CRACR2B: variants seen among roughly 807,000 people sequenced by gnomAD.
CRACR2B encodes the protein EF-hand calcium-binding domain-containing protein 4A.
CRACR2B carries 50 observed loss-of-function variants against 46.0 expected under a neutral mutation model. The observed-to-expected ratio is 1.09, with a 90% CI of 0.87 to 1.38. The LOEUF is 1.38. CRACR2B is among the 40% of genes most tolerant of loss of function. The pLI is 0.00. For synonymous variants in CRACR2B, 277 were observed against 239.6 expected, an observed-to-expected ratio of 1.16 and a Z score of -1.44; for missense variants, 667 against 535.0, an observed-to-expected ratio of 1.25 and a Z score of -2.43.
intron 4 of CRACR2B, 21 bp downstream of exon 4, chr11:830,153 T>C (rs1760023929): frequency 6.6e-7 from 1 of 1,517,142 alleles, no homozygotes; most frequent in South Asian, 1.2e-5. Flanking sequence ...GGGTGGGGTA[T>C]GGGGGCCAAT....
At position 831,260 on chromosome 11, in the gene CRACR2B, G is replaced by A; in HGVS notation, c.990G>A (p.Glu330=). The A allele has an allele frequency of 6.2e-7, 1 of 1,611,212 alleles. No homozygotes were observed. The highest frequency in any genetic ancestry group is 1.3e-5 in the African/African-American group (1 of 74,830). The change falls in exon 8 of 9, where the codon GAG becomes GAA. Residue 330 remains glutamate, a synonymous_variant. Transcript: ENST00000525077. ...CCGTCTCCAGGAACATGCAGAAAGA[G>A]AAAGTCAGCCTGCTACGGCAACTGG... ...VVAVSRNMQK[E]KVSLLRQLEL... is the part of the protein sequence containing the mutation.
chr11:829,109 G>A, intron 2 of CRACR2B, 146 bp downstream of exon 2: 2 of 1,289,022 alleles, frequency 1.6e-6, no homozygotes, highest in Admixed American at 2.0e-5. Flanking sequence ...ACTCGCGCCT[G>A]GGGGCTCCTA....
chr11:829,598 C>T, intron 3 of CRACR2B, 58 bp downstream of exon 3: 2 of 1,465,374 alleles, frequency 1.4e-6, no homozygotes, highest in Admixed American at 2.5e-5. Flanking sequence ...TGCCTGCATG[C>T]TGTCTGCCCT....
At position 828,783 on chromosome 11, in the gene CRACR2B, C is replaced by T. The variant is rs780126428; in HGVS notation, c.165+11C>T. 2.4e-5 allele frequency: 38 copies of T among 1,612,784 alleles called. No individual in the cohort carries two copies. The highest frequency in any genetic ancestry group is 3.3e-5 in the Admixed American group (2 of 59,786). ...AAGCACGACCTGCAGGTGAGTCCCC[C>T]ACCCCAAGAGACTGCTTCGGCCCTG... On this transcript the variant is annotated intron_variant, in intron 1 of 8. Coordinates refer to ENST00000525077, the MANE Select transcript of CRACR2B (RefSeq NM_001286606.2).
At chr11:826,549 A>G (rs1011776139), upstream of CRACR2B, among the ~76,000 whole-genome samples, 2 of 152,226 alleles carry the variant, frequency 1.3e-5, no homozygotes, top group African/African-American at 4.8e-5. Flanking sequence ...TTTTGTTTTG[A>G]GATGGAGTTT....
rs1289829353 is a variant in CRACR2B, at chr11:828,234, C to T, written c.-374C>T. 2.9e-5 allele frequency: 7 copies of T among 239,948 alleles called. No homozygotes were observed. The highest frequency in any genetic ancestry group is 5.7e-5 in the Non-Finnish European group (7 of 123,402). 14.9% of individuals were successfully genotyped at this position (239,948 alleles called of 1,614,324 possible). On this transcript the variant is annotated 5_prime_UTR_variant, in exon 1 of 9. Transcript: ENST00000525077. ...CCCCAAGCCTGCTCCTCTCAGCTTT[C>T]AGGACCCCACCTTCCTTATCACCAG...
Position 829,096 on chromosome 11 carries a change from C to G in CRACR2B, c.277+133C>G, listed in dbSNP as rs754237287. The G allele has an allele frequency of 6.0e-6, 8 of 1,334,470 alleles. No homozygotes were observed. The Middle Eastern group carries it at 5.3e-4, about 89-fold the overall frequency. 82.7% of individuals were successfully genotyped at this position (1,334,470 alleles called of 1,614,324 possible). The stretch of plus-strand genomic sequence containing the variant: ...CTCCAGGGCCCGTGCTTTGTCTGCA[C>G]GCACTCGCGCCTGGGGGCTCCTAGC... On this transcript the variant is annotated intron_variant, in intron 2 of 8. Transcript: ENST00000525077.
At position 831,230 on chromosome 11, in the gene CRACR2B, GGTCGCC is replaced by G; in HGVS notation, c.964_969del (p.Ala322_Val323del). On this transcript the variant is annotated inframe_deletion, in exon 8 of 9. Coordinates refer to ENST00000525077, the MANE Select transcript of CRACR2B (RefSeq NM_001286606.2). ...CACCACCTCCCATCCACAGAGACGT[GGTCGCC>G]GTCTCCAGGAACATGCAGAAAGAGA... 1 of 1,610,530 alleles carries G rather than the reference GGTCGCC, an allele frequency of 6.2e-7. No individual in the cohort carries two copies. Among genetic ancestry groups the G allele is most frequent in the Non-Finnish European group, 8.5e-7 (1 of 1,179,312 alleles).
At chr11:829,694 C>T in intron 3 of CRACR2B, 154 bp downstream of exon 3, 1 of 1,057,956 alleles carries the variant, frequency 9.5e-7, no homozygotes, top group East Asian at 2.8e-5. Flanking sequence ...GGGAGGGACC[C>T]GGCATGATTT....
rs12802515 is a variant in CRACR2B, at chr11:827,955, G to A, written c.-653G>A. Among the ~76,000 whole-genome samples the A allele has an allele frequency of 0.34, 51,357 of 152,130 alleles. 9,089 individuals are homozygous for A. Among genetic ancestry groups the A allele is most frequent in the East Asian group, 0.67 (3,457 of 5,164 alleles). ...GCAAGGGTGTTAGGTCTCGAATCTGGAAGTGTTCCTGAGTGGGGCGTCAGA... is the reference window on the plus strand; with the variant it reads ...GCAAGGGTGTTAGGTCTCGAATCTGAAAGTGTTCCTGAGTGGGGCGTCAGA... On this transcript the variant is annotated 5_prime_UTR_variant, in exon 1 of 9. Transcript: ENST00000525077.
intron 8 of CRACR2B, 27 bp downstream of exon 8, chr11:831,322 G>A (rs771738771): frequency 1.3e-6 from 2 of 1,590,296 alleles, no homozygotes; most frequent in Non-Finnish European, 1.7e-6. Context: ...GCCCGAGAGG[G>A]AATGGGCTCA....
At chr11:830,376 C>A in intron 5 of CRACR2B, 39 bp downstream of exon 5, 2 of 1,536,672 alleles carry the variant, frequency 1.3e-6, no homozygotes, top group South Asian at 2.4e-5. Flanking sequence ...AGGCCCAATC[C>A]CACCTCGCTG....
At chr11:831,485 C>T (rs374134802) in intron 8 of CRACR2B, 50 bp from the exon 9 acceptor site, 3 of 1,522,488 alleles carry the variant, frequency 2.0e-6, no homozygotes, top group African/African-American at 1.4e-5. Context: ...CACCTCCCCC[C>T]ACCTTGAGCT....
Position 830,677 on chromosome 11 carries a change from G to T in CRACR2B, c.750G>T (p.Glu250Asp). Residue 250 changes from glutamate to aspartate, a missense_variant, in exon 6 of 9, where the codon GAG (glutamate) becomes GAT (aspartate). Physicochemically the swap from Glu to Asp is conservative, Grantham distance 45. Transcript: ENST00000525077. ...SRLELELQSREQDLERAGLRQ... is the reference protein window; with the variant it reads ...SRLELELQSRDQDLERAGLRQ... Reference sequence around the variant, plus strand: ...TGGAGCTGGAGCTGCAGAGCCGCGAGCAGGACCTGGAACGCGCGGGCCTGC... The same window carrying T: ...TGGAGCTGGAGCTGCAGAGCCGCGATCAGGACCTGGAACGCGCGGGCCTGC... The T allele has an allele frequency of 6.5e-7, 1 of 1,545,580 alleles. No homozygotes were observed.
At chr11:826,968 A>G (rs1211337764), upstream of CRACR2B, among the ~76,000 whole-genome samples, 1 of 152,166 alleles carries the variant, frequency 6.6e-6, no homozygotes. Context: ...CCCCCCGGAC[A>G]GGAGGGGCCC....
At chr11:829,859 C>T (rs886333922) in intron 3 of CRACR2B, 127 bp from the exon 4 acceptor site, 16 of 1,429,188 alleles carry the variant, frequency 1.1e-5, no homozygotes, top group Admixed American at 5.4e-5. Flanking sequence ...GGAGGGATGC[C>T]CTGCACGCAG....
rs1846201125 is a variant in CRACR2B, at chr11:829,437, C to T, written c.355C>T (p.Leu119Phe). The T allele has an allele frequency of 6.2e-7, 1 of 1,610,712 alleles. No homozygotes were observed. The highest frequency in any genetic ancestry group is 1.3e-5 in the African/African-American group (1 of 74,940). ...CGAGGAGACCTTTGAGTCGGGCGGG[C>T]TCGACGTGCAGGGCACGGCGGGCTC... Reference protein sequence around the residue: ...TPEETFESGGLDVQGTAGSLD... With the variant: ...TPEETFESGGFDVQGTAGSLD... Residue 119 changes from leucine to phenylalanine, a missense_variant, in exon 3 of 9, where the codon CTC becomes TTC. Transcript: ENST00000525077.
intron 3 of CRACR2B, 74 bp from the exon 4 acceptor site, chr11:829,912 G>C (rs1846250339): frequency 6.6e-7 from 1 of 1,512,440 alleles, no homozygotes; most frequent in Non-Finnish European, 8.8e-7. Flanking sequence ...GTCTCCTAAG[G>C]GTTTGCTGCT....
upstream of CRACR2B, chr11:827,252 GGGCGCGCCCAGTGTTTCCGGGAGGA>G: frequency 6.6e-6 from 1 of 152,172 alleles, no homozygotes; most frequent in Non-Finnish European, 1.5e-5. Flanking sequence ...AGCTGGGGCG[GGGCGCGCCCAGTGTTTCCGGGAGGA>G]GCGGCCCGGG....
Sources: gnomAD v4.1 joint callset for allele counts (sites outside exome capture counted in the v4.1 genomes callset) on GRCh38, gnomAD v4.1.1 for gene constraint, MANE v1.5 for transcripts, NCBI Gene and HGNC (gene_info 2026-07-23, HGNC 2026-07-21) for gene names.